The following SEMA3E variants were observed in gnomAD, a reference collection of about 807,000 sequenced individuals.
The protein encoded by SEMA3E is semaphorin 3E.
In SEMA3E, 49 loss-of-function variants were observed where a neutral mutation model predicts 93.6. That is an observed-to-expected ratio of 0.52 (90% confidence interval 0.42 to 0.66). SEMA3E has a LOEUF of 0.66. SEMA3E is among the 30% of genes least tolerant of loss of function. The pLI, the probability that SEMA3E is intolerant of heterozygous loss-of-function variation, is 0.00. For synonymous variants in SEMA3E, 363 were observed against 330.7 expected (o/e 1.10, Z -1.06); for missense variants, 906 against 964.8 (o/e 0.94, Z 0.81).
At chr7:83,504,902 T>C (rs1247693979) in intron 1 of SEMA3E, among the ~76,000 whole-genome samples, 1 of 152,134 alleles carries the variant, frequency 6.6e-6, no homozygotes, top group Non-Finnish European at 1.5e-5. Flanking sequence ...TGGCTTCTAT[T>C]TTACAAATTA....
At chr7:83,552,100 CT>C (rs930770123) in intron 1 of SEMA3E, among the ~76,000 whole-genome samples, 3 of 152,130 alleles carry the variant, frequency 2.0e-5, no homozygotes, top group African/African-American at 7.2e-5. Context: ...CTCCCTCACT[CT>C]TTCATAAACT....
intron 4 of SEMA3E, among the ~76,000 whole-genome samples, chr7:83,420,001 A>ATTTTTCTCTCTTC (rs1788641115): frequency 6.6e-6 from 1 of 152,160 alleles, no homozygotes; most frequent in African/African-American, 2.4e-5. Flanking sequence ...AAAGAAGTCA[A>ATTTTTCTCTCTTC]ACGATCTCTC....
At chr7:83,634,476 A>G (rs1367413637) in intron 1 of SEMA3E, among the ~76,000 whole-genome samples, 2 of 152,146 alleles carry the variant, frequency 1.3e-5, no homozygotes, top group African/African-American at 4.8e-5. Flanking sequence ...AGCAAAAAAC[A>G]TTTGGCAAAA....
chr7:83,475,842 C>G (rs1188880043), intron 2 of SEMA3E, among the ~76,000 whole-genome samples: 2 of 152,172 alleles, frequency 1.3e-5, no homozygotes, highest in Non-Finnish European at 2.9e-5. Flanking sequence ...ATTGCCAGAA[C>G]ATGCATTGTT....
chr7:83,482,541 C>A (rs1292322305), intron 2 of SEMA3E, among the ~76,000 whole-genome samples: 1 of 126,366 alleles, frequency 7.9e-6, no homozygotes. Context: ...CTCCAGCCTG[C>A]GCGACAGAGC....
chr7:83,402,895 T>C (rs1788258745), intron 9 of SEMA3E, 119 bp from the exon 10 acceptor site: 1 of 925,700 alleles, frequency 1.1e-6, no homozygotes, highest in East Asian at 2.6e-5. Flanking sequence ...GCAATTTCTT[T>C]AAGCAAAGAA....
At chr7:83,482,626 TG>T (rs905884868) in intron 2 of SEMA3E, among the ~76,000 whole-genome samples, 4 of 149,060 alleles carry the variant, frequency 2.7e-5, no homozygotes, top group Admixed American at 6.7e-5. Context: ...ACAGATTTAC[TG>T]GTGGAAGATG....
intron 1 of SEMA3E, among the ~76,000 whole-genome samples, chr7:83,618,104 G>A (rs939289817): frequency 1.3e-5 from 2 of 152,084 alleles, no homozygotes; most frequent in African/African-American, 4.8e-5. Flanking sequence ...TGGGAGTGGT[G>A]AGAAGTCAGA....
chr7:83,426,310 GAC>G (rs1221343948), intron 4 of SEMA3E, among the ~76,000 whole-genome samples: 8 of 152,074 alleles, frequency 5.3e-5, no homozygotes, highest in African/African-American at 1.9e-4. Flanking sequence ...CCATAGCAAA[GAC>G]ATGGAATCAA....
intron 14 of SEMA3E, among the ~76,000 whole-genome samples, chr7:83,392,009 C>G (rs1483296021): frequency 6.6e-6 from 1 of 152,150 alleles, no homozygotes; most frequent in Non-Finnish European, 1.5e-5. Flanking sequence ...AACTGCACCT[C>G]AAGATCTCTG....
At chr7:83,378,148 A>C (rs1787694550) in intron 16 of SEMA3E, among the ~76,000 whole-genome samples, 1 of 148,836 alleles carries the variant, frequency 6.7e-6, no homozygotes, top group Admixed American at 6.7e-5. Context: ...CTATATGTGG[A>C]AATATATATA....
intron 6 of SEMA3E, 121 bp from the exon 7 acceptor site, chr7:83,407,360 G>T (rs2115650030): frequency 1.1e-6 from 1 of 907,204 alleles, no homozygotes; most frequent in Non-Finnish European, 1.7e-6. Flanking sequence ...ATTTCATAAA[G>T]AAATATTTTT....
At chr7:83,543,268 ACTTCAGT>A (rs1409403755) in intron 1 of SEMA3E, among the ~76,000 whole-genome samples, 1 of 152,128 alleles carries the variant, frequency 6.6e-6, no homozygotes, top group Non-Finnish European at 1.5e-5. Flanking sequence ...AAGCTCACAA[ACTTCAGT>A]CTTAAGGCAG....
intron 4 of SEMA3E, among the ~76,000 whole-genome samples, chr7:83,446,332 C>A (rs993323831): frequency 6.6e-6 from 1 of 152,184 alleles, no homozygotes; most frequent in Non-Finnish European, 1.5e-5. Context: ...TTACAATTGT[C>A]TCTAATGATA....
At chr7:83,501,808 C>T (rs1360095145) in intron 1 of SEMA3E, among the ~76,000 whole-genome samples, 1 of 152,090 alleles carries the variant, frequency 6.6e-6, no homozygotes, top group African/African-American at 2.4e-5. Flanking sequence ...AACATGTTTT[C>T]TCTAGTTAAT....
chr7:83,610,073 T>C (rs545102413), intron 1 of SEMA3E, among the ~76,000 whole-genome samples: 8 of 152,030 alleles, frequency 5.3e-5, no homozygotes, highest in Non-Finnish European at 8.8e-5. Flanking sequence ...GTGAAAACAA[T>C]GTTTTAAATA....
intron 1 of SEMA3E, among the ~76,000 whole-genome samples, chr7:83,526,897 C>T (rs17446044): frequency 0.53 from 80,205 of 151,994 alleles, 23,513 homozygotes; most frequent in Middle Eastern, 0.69. Context: ...GCTCTGACTA[C>T]CTCCATGTCC....
intron 11 of SEMA3E, among the ~76,000 whole-genome samples, chr7:83,398,475 C>T (rs1316668421): frequency 6.6e-6 from 1 of 152,028 alleles, no homozygotes; most frequent in African/African-American, 2.4e-5. Context: ...AATTTATGGC[C>T]AAGTAATTTC....
At chr7:83,400,857 AAG>A (rs1788222569) in intron 10 of SEMA3E, among the ~76,000 whole-genome samples, 1 of 152,142 alleles carries the variant, frequency 6.6e-6, no homozygotes, top group East Asian at 1.9e-4. Flanking sequence ...TGTTCACACA[AAG>A]AGAAGAAATC....
Sources: gnomAD v4.1 joint callset for allele counts (sites outside exome capture counted in the v4.1 genomes callset) on GRCh38, gnomAD v4.1.1 for gene constraint, MANE v1.5 for transcripts, NCBI Gene and HGNC (gene_info 2026-07-23, HGNC 2026-07-21) for gene names.